Variants in PRDM6 observed in about 807,000 individuals in gnomAD.
PRDM6 encodes the protein PR/SET domain 6, also known as putative histone-lysine N-methyltransferase PRDM6.
Under a neutral mutation model 60.8 loss-of-function variants are expected in PRDM6, and 25 were observed. The ratio of observed to expected loss-of-function variants is 0.41; its 90% confidence interval spans 0.30 to 0.57. The LOEUF (loss-of-function observed/expected upper bound fraction) is 0.57. Among genes scored for constraint, PRDM6 ranks in the 20% least tolerant of loss-of-function variants. The probability of loss-of-function intolerance (pLI) is 0.27; values close to 1 mark genes in which losing one functional copy is unlikely to be tolerated. For missense variants in PRDM6, 839 were observed against 821.3 expected (o/e 1.02, Z -0.26); for synonymous variants, 407 against 357.4 (o/e 1.14, Z -1.57).
At chr5:123,100,029 G>T in intron 3 of PRDM6, 68 bp downstream of exon 3, 1 of 1,418,750 alleles carries the variant, frequency 7.0e-7, no homozygotes, top group Non-Finnish European at 9.3e-7. Context: ...GCCTTGGCCG[G>T]CAGGGAGCCT....
chr5:123,156,050 C>G (rs780298123), intron 4 of PRDM6, 39 bp downstream of exon 4: 1 of 1,527,260 alleles, frequency 6.5e-7, no homozygotes, highest in African/African-American at 1.4e-5. Context: ...AGAGCTGAAG[C>G]CATTTGGCTT....
intron 3 of PRDM6, among the ~76,000 whole-genome samples, chr5:123,147,565 AT>A (rs1765274781): frequency 6.6e-6 from 1 of 152,204 alleles, no homozygotes; most frequent in South Asian, 2.1e-4. Context: ...TTTCTCTTTA[AT>A]TTGGATGGAT....
rs1198215866 is a variant in PRDM6, at chr5:123,099,659, G to A, written c.598G>A (p.Asp200Asn). ...QHTSDPNNRC[D>N]MCADNRNGEC... ...CTCCTTCTTGTCTCCCGCAGGTTGC[G>A]ACATGTGCGCGGACAACCGCAACGG... Residue 200 changes from aspartate (D) to asparagine (N), a missense_variant, in exon 3 of 8, where the codon GAC becomes AAC. Coordinates refer to ENST00000407847, the MANE Select transcript of PRDM6 (RefSeq NM_001136239.4). The surrounding 1 kb of genome is among the most constrained non-coding windows in gnomAD (Gnocchi z 4.0). The A allele has an allele frequency of 6.9e-7, 1 of 1,456,618 alleles. No homozygotes were observed. The highest frequency in any genetic ancestry group is 2.5e-5 in the Admixed American group (1 of 40,160). 90.2% of individuals were successfully genotyped at this position (1,456,618 alleles called of 1,614,324 possible).
At chr5:123,138,054 A>G (rs1196598692) in intron 3 of PRDM6, among the ~76,000 whole-genome samples, 1 of 152,156 alleles carries the variant, frequency 6.6e-6, no homozygotes, top group Non-Finnish European at 1.5e-5. Context: ...ATACTGATAT[A>G]GGCCAGGATT....
chr5:123,096,156 T>C (rs1763954843), intron 2 of PRDM6, among the ~76,000 whole-genome samples: 3 of 152,094 alleles, frequency 2.0e-5, no homozygotes, highest in Non-Finnish European at 2.9e-5. Flanking sequence ...ATAACAATTA[T>C]GAACTTGTAC....
chr5:123,110,341 G>A (rs527990434), intron 3 of PRDM6, among the ~76,000 whole-genome samples: 195 of 139,986 alleles, frequency 1.4e-3, no homozygotes, highest in Non-Finnish European at 2.0e-3. Context: ...TCACTGCAAC[G>A]TCCACCTCCC....
chr5:123,153,299 G>GA (rs940770506), intron 3 of PRDM6, among the ~76,000 whole-genome samples: 1 of 151,756 alleles, frequency 6.6e-6, no homozygotes. Context: ...CTTTAGGTGA[G>GA]AAAAAACATC....
At chr5:123,127,160 C>G (rs1439268938) in intron 3 of PRDM6, among the ~76,000 whole-genome samples, 1 of 152,120 alleles carries the variant, frequency 6.6e-6, no homozygotes, top group African/African-American at 2.4e-5. Context: ...GCCTCAGCCT[C>G]CAGAGCAGCT....
In PRDM6 at chr5:123,090,231, C is replaced by T. The variant is rs1458159156; in HGVS notation, c.217C>T (p.Pro73Ser). The T allele has an allele frequency of 9.5e-6, 14 of 1,476,552 alleles. No homozygotes were observed. Among genetic ancestry groups the T allele is most frequent in the South Asian group, 6.5e-5 (5 of 76,820 alleles). The allele number at this position is 1,476,552 out of a possible 1,614,324, so 91.5% of individuals were successfully genotyped here. A position where few individuals can be genotyped will look rare whatever the true frequency, so the allele number is the denominator to read the frequency against. ...EPPPDSLRPR[P>S]ASLSSASSTP... ...TCCGCCGGACAGCCTGCGCCCGCGG[C>T]CCGCCTCTCTCTCCTCCGCCTCGTC... is the stretch of plus-strand genomic sequence containing the variant. Residue 73 changes from proline to serine, a missense_variant, in exon 2 of 8, where the codon CCC becomes TCC. Around this residue, in one of 2 missense-constraint regions of PRDM6, gnomAD observed 730 missense variants for 648.8 expected, o/e 1.13. Coordinates refer to ENST00000407847, the MANE Select transcript of PRDM6 (RefSeq NM_001136239.4).
chr5:123,100,921 A>G (rs1764088166), intron 3 of PRDM6, among the ~76,000 whole-genome samples: 1 of 152,238 alleles, frequency 6.6e-6, no homozygotes, highest in Admixed American at 6.5e-5. Context: ...ATACCCTTAA[A>G]CAATATGTAA....
rs1207064350 is a variant in PRDM6, at chr5:123,190,312, A to G, written c.*3111A>G. 6.6e-6 allele frequency: 1 copy of G among 152,232 alleles called. No individual in the cohort carries two copies. Among genetic ancestry groups the G allele is most frequent in the Non-Finnish European group, 1.5e-5 (1 of 68,018 alleles). 9.4% of individuals were successfully genotyped at this position (152,232 alleles called of 1,614,324 possible). ...GCAATAGGATGAGAGATGGAGCTGC[A>G]GACCTTTGCATTTCTAGAAAAATCT... On this transcript the variant is annotated 3_prime_UTR_variant, in exon 8 of 8. Transcript: ENST00000407847.
intron 7 of PRDM6, among the ~76,000 whole-genome samples, chr5:123,180,875 A>G (rs1242180228): frequency 6.6e-6 from 1 of 152,222 alleles, no homozygotes; most frequent in Admixed American, 6.5e-5. Context: ...CTTTAGAATT[A>G]CCATGTTGGT....
intron 5 of PRDM6, among the ~76,000 whole-genome samples, chr5:123,160,687 AG>A (rs764695077): frequency 5.3e-5 from 8 of 152,370 alleles, no homozygotes; most frequent in Non-Finnish European, 7.3e-5. Context: ...CTTTGTAAAA[AG>A]AAAAATCGTC....
At position 123,155,890 on chromosome 5, in the gene PRDM6, G is replaced by T; in HGVS notation, c.907G>T (p.Asp303Tyr). The change falls in exon 4 of 8, where the codon GAC becomes TAC. Residue 303 changes from aspartate (D) to tyrosine (Y), a missense_variant. Transcript: ENST00000407847. ...RNTQHLWEIY[D>Y]QDGTLQHFID... ...CTTCTGACCTCTTCTCCAGATATAT[G>T]ACCAGGATGGGACACTACAGCACTT... is the stretch of plus-strand genomic sequence containing the variant. 1.9e-6 allele frequency: 3 copies of T among 1,551,092 alleles called. No homozygotes were observed. The South Asian group carries it at 3.6e-5, about 18-fold the overall frequency.
In PRDM6 at chr5:123,123,443, G is replaced by A. The variant is rs114461705; in HGVS notation, c.900+23482G>A. Among the ~76,000 whole-genome samples the A allele has an allele frequency of 7.6e-3, 1,163 of 152,286 alleles. 22 individuals carry two copies. The highest frequency in any genetic ancestry group is 0.027 in the African/African-American group (1,109 of 41,548). ...GTGGCTGGCTATTGAGATTTTTCAT[G>A]TAGTCGGTTACTTTTACATACTGCA... On this transcript the variant is annotated intron_variant, in intron 3 of 7. Coordinates refer to ENST00000407847, the MANE Select transcript of PRDM6 (RefSeq NM_001136239.4).
At chr5:123,120,307 C>T (rs1401232677) in intron 3 of PRDM6, among the ~76,000 whole-genome samples, 1 of 152,128 alleles carries the variant, frequency 6.6e-6, no homozygotes, top group African/African-American at 2.4e-5. Context: ...GATGCAGTTA[C>T]CTGGTGTCAT....
In PRDM6 at chr5:123,188,975, A is replaced by T. The variant is rs546042449; in HGVS notation, c.*1774A>T. ...AGAACCCTGGGCCATAAAGAAAAAA[A>T]TGGCTAATTCTGACCTCTGTTGCCC... is the stretch of plus-strand genomic sequence containing the variant. On this transcript the variant is annotated 3_prime_UTR_variant, in exon 8 of 8. Coordinates refer to ENST00000407847, the MANE Select transcript of PRDM6 (RefSeq NM_001136239.4). The T allele has an allele frequency of 6.6e-6, 1 of 152,332 alleles. No individual in the cohort carries two copies. Among genetic ancestry groups the T allele is most frequent in the East Asian group, 1.9e-4 (1 of 5,186 alleles). 9.4% of individuals were successfully genotyped at this position (152,332 alleles called of 1,614,324 possible).
rs373959117 is a variant in PRDM6, at chr5:123,092,956, C to CT, written c.592+2351dup. ...AGTCAGAAATGCAAATAGTGGGAAA[C>CT]TCGTTTCCTTTGGCAGGGGAAGTTG... On this transcript the variant is annotated intron_variant, in intron 2 of 7. Transcript: ENST00000407847. 2.4e-4 allele frequency among the ~76,000 whole-genome samples: 37 copies of CT among 152,258 alleles called. 1 individual carries two copies. Among genetic ancestry groups the CT allele is most frequent in the African/African-American group, 8.4e-4 (35 of 41,546 alleles).
chr5:123,187,009 A>G (rs1227866869), intron 7 of PRDM6, 78 bp from the exon 8 acceptor site: 3 of 1,068,212 alleles, frequency 2.8e-6, no homozygotes. Flanking sequence ...GTCTGTTCTG[A>G]TTAGGCAGGA....
Sources: allele counts gnomAD v4.1 joint callset (sites outside exome capture counted in the v4.1 genomes callset), GRCh38; gene constraint gnomAD v4.1.1; regional missense constraint gnomAD v4.1.1; non-coding constraint Gnocchi (gnomAD v3.1); transcripts MANE v1.5; gene names NCBI Gene and HGNC (gene_info 2026-07-23, HGNC 2026-07-21).